FBXO25: variants seen among roughly 807,000 people sequenced by gnomAD.
FBXO25 encodes F-box only protein 25.
A neutral mutation model predicts 51.9 loss-of-function variants in FBXO25; 45 were observed. The observed-to-expected ratio is 0.87, with a 90% CI of 0.68 to 1.11. The LOEUF (loss-of-function observed/expected upper bound fraction) is 1.11. Ranked by LOEUF, FBXO25 falls within the 50% of genes most tolerant of loss-of-function variation. The probability of loss-of-function intolerance (pLI) is 0.00; values close to 1 mark genes in which losing one functional copy is unlikely to be tolerated. For synonymous variants in FBXO25, 199 were observed against 151.0 expected (o/e 1.32, Z -2.33); for missense variants, 507 against 428.5 (o/e 1.18, Z -1.62).
chr8:439,314 C>T (rs1798285352), intron 5 of FBXO25, among the ~76,000 whole-genome samples: 1 of 152,176 alleles, frequency 6.6e-6, no homozygotes, highest in South Asian at 2.1e-4. Context: ...GAGGTCCATG[C>T]AGGGCAGTGC....
intron 7 of FBXO25, among the ~76,000 whole-genome samples, chr8:455,407 G>A (rs1469205325): frequency 2.6e-5 from 4 of 152,192 alleles, no homozygotes; most frequent in Admixed American, 2.6e-4. Flanking sequence ...TTTGAAGTGG[G>A]TGCGAGGGAA....
chr8:413,428 A>AT (rs1796606659), intron 2 of FBXO25, among the ~76,000 whole-genome samples: 1 of 151,998 alleles, frequency 6.6e-6, no homozygotes, highest in African/African-American at 2.4e-5. Context: ...AATTTAAAAC[A>AT]TTTAATCCTC....
At chr8:419,067 G>T (rs1212695913) in intron 2 of FBXO25, among the ~76,000 whole-genome samples, 2 of 152,148 alleles carry the variant, frequency 1.3e-5, no homozygotes, top group African/African-American at 4.8e-5. Context: ...TCATTAGAAA[G>T]TCAGAGCAAC....
At chr8:423,132 C>T (rs563140807) in intron 2 of FBXO25, among the ~76,000 whole-genome samples, 1 of 152,176 alleles carries the variant, frequency 6.6e-6, no homozygotes, top group African/African-American at 2.4e-5. Flanking sequence ...TACTAAATTT[C>T]CATGGGCAAT....
intron 5 of FBXO25, among the ~76,000 whole-genome samples, chr8:439,163 C>T (rs1410010545): frequency 6.6e-6 from 1 of 152,168 alleles, no homozygotes. Flanking sequence ...GTTAATGTGA[C>T]TGTGGTTTTT....
intron 5 of FBXO25, among the ~76,000 whole-genome samples, chr8:437,986 A>T (rs1211527744): frequency 1.3e-5 from 2 of 152,076 alleles, no homozygotes; most frequent in African/African-American, 4.8e-5. Flanking sequence ...GCTTGATAAA[A>T]GGTTTCCTTT....
chr8:428,191 T>A (rs1008315541), intron 2 of FBXO25, among the ~76,000 whole-genome samples: 1 of 152,162 alleles, frequency 6.6e-6, no homozygotes, highest in Non-Finnish European at 1.5e-5. Flanking sequence ...GAAAAGTGAT[T>A]CCCTGTCCTT....
At chr8:429,648 A>G (rs1458675852) in intron 2 of FBXO25, among the ~76,000 whole-genome samples, 6 of 152,218 alleles carry the variant, frequency 3.9e-5, no homozygotes, top group East Asian at 1.9e-4. Context: ...TGTAAAACCC[A>G]CAACCAAAAA....
chr8:409,362 G>A (rs1217627892), intron 1 of FBXO25, among the ~76,000 whole-genome samples: 1 of 152,146 alleles, frequency 6.6e-6, no homozygotes, highest in Non-Finnish European at 1.5e-5. Context: ...CTTTGGGCAT[G>A]GACTATTTTT....
At chr8:464,734 T>C (rs1800042216) in intron 9 of FBXO25, among the ~76,000 whole-genome samples, 1 of 152,240 alleles carries the variant, frequency 6.6e-6, no homozygotes, top group South Asian at 2.1e-4. Context: ...TGTAAAGATG[T>C]GTTTTTCTTG....
intron 9 of FBXO25, 69 bp from the exon 10 acceptor site, chr8:468,646 C>G: frequency 1.6e-6 from 2 of 1,266,686 alleles, no homozygotes; most frequent in Non-Finnish European, 2.3e-6. Context: ...CTGACGACCC[C>G]TCAAGCACCA....
chr8:416,657 C>G (rs989548083), intron 2 of FBXO25, among the ~76,000 whole-genome samples: 5 of 152,176 alleles, frequency 3.3e-5, no homozygotes, highest in African/African-American at 1.2e-4. Flanking sequence ...CCTACCTCTA[C>G]TCCTTTGTTG....
At chr8:458,250 G>A in intron 7 of FBXO25, 119 bp from the exon 8 acceptor site, 1 of 1,170,434 alleles carries the variant, frequency 8.5e-7, no homozygotes. Context: ...CGCATGACAT[G>A]GAGAGCTCTT....
At chr8:447,871 C>G (rs918959777) in intron 5 of FBXO25, among the ~76,000 whole-genome samples, 18 of 152,212 alleles carry the variant, frequency 1.2e-4, no homozygotes, top group Admixed American at 1.0e-3. Flanking sequence ...ATTAGGGATG[C>G]TCAACCTGTA....
At chr8:445,855 G>C (rs150902890) in intron 5 of FBXO25, among the ~76,000 whole-genome samples, 6,661 of 152,308 alleles carry the variant, frequency 0.044, 248 homozygotes, top group African/African-American at 0.095. Context: ...TGGGGGACAA[G>C]AGTGAAACTC....
At chr8:423,565 A>G (rs932083932) in intron 2 of FBXO25, among the ~76,000 whole-genome samples, 1 of 152,084 alleles carries the variant, frequency 6.6e-6, no homozygotes, top group Non-Finnish European at 1.5e-5. Context: ...CTGTTCCTGC[A>G]TTAATTTGCT....
At chr8:454,660 G>A (rs560585638) in intron 7 of FBXO25, among the ~76,000 whole-genome samples, 2 of 152,142 alleles carry the variant, frequency 1.3e-5, no homozygotes, top group Non-Finnish European at 2.9e-5. Context: ...GGGAGGCCGA[G>A]GTGGGCAGAT....
Position 471,033 on chromosome 8 carries a change from T to C in FBXO25, c.*2229T>C, listed in dbSNP as rs920680420. On this transcript the variant is annotated 3_prime_UTR_variant, in exon 10 of 10. Coordinates refer to ENST00000350302, the MANE Select transcript of FBXO25 (RefSeq NM_183420.2). ...GTTAGATGTTATAACAGTTCTCAGC[T>C]GTGCTATCAAATCACAGATGTGCAT... 1.3e-5 allele frequency: 2 copies of C among 152,220 alleles called. No individual in the cohort carries two copies. The highest frequency in any genetic ancestry group is 4.8e-5 in the African/African-American group (2 of 41,462). 9.4% of individuals were successfully genotyped at this position (152,220 alleles called of 1,614,324 possible).
intron 1 of FBXO25, chr8:407,376 G>T (rs1796218360): frequency 1.0e-6 from 1 of 983,680 alleles, no homozygotes; most frequent in East Asian, 1.1e-4. Context: ...TGGGTCCGCG[G>T]GCGCGTCAGG....
Sources: allele counts gnomAD v4.1 joint callset (sites outside exome capture counted in the v4.1 genomes callset), GRCh38; gene constraint gnomAD v4.1.1; transcripts MANE v1.5; gene names NCBI Gene and HGNC (gene_info 2026-07-23, HGNC 2026-07-21).